Variants in PDZD8 observed in about 807,000 individuals in gnomAD.
PDZD8 encodes the protein PDZ domain containing 8, also known as PDZ domain-containing protein 8.
In PDZD8, 14 loss-of-function variants were observed where a neutral mutation model predicts 85.8. The observed-to-expected ratio is 0.16, with a 90% CI of 0.11 to 0.26. The LOEUF (loss-of-function observed/expected upper bound fraction) is 0.26, where lower values mean the gene tolerates loss of function less well. Ranked by LOEUF, PDZD8 falls within the 10% of genes least tolerant of loss-of-function variation. PDZD8 has a pLI of 1.00. For missense variants in PDZD8, 1,197 were observed against 1,424.3 expected, an observed-to-expected ratio of 0.84 and a Z score of 2.57; for synonymous variants, 592 against 568.6, an observed-to-expected ratio of 1.04 and a Z score of -0.59.
In PDZD8 at chr10:117,291,592, G is replaced by A. The variant is rs111701630; in HGVS notation, c.1099-1244C>T. ...GGGATGGTGGTGCACACCTGTAATC[G>A]CAGCTACTAAGGAGGGCTGAGGTGG... is the stretch of plus-strand genomic sequence containing the variant. On this transcript the variant is annotated intron_variant, in intron 3 of 4. Coordinates refer to ENST00000334464, the MANE Select transcript of PDZD8 (RefSeq NM_173791.5). 7.9e-3 allele frequency among the ~76,000 whole-genome samples: 1,189 copies of A among 151,298 alleles called. 14 individuals are homozygous for A. Among genetic ancestry groups the A allele is most frequent in the African/African-American group, 0.028 (1,139 of 41,206 alleles).
intron 3 of PDZD8, among the ~76,000 whole-genome samples, chr10:117,318,670 G>C (rs908139860): frequency 7.2e-5 from 11 of 152,150 alleles, no homozygotes; most frequent in African/African-American, 2.2e-4. Flanking sequence ...GGTTTCTTGT[G>C]CAGGTAATAT....
chr10:117,318,987 A>G lies in PDZD8; in HGVS notation c.996-13T>C, dbSNP rs1844178969. The G allele has an allele frequency of 6.5e-7, 1 of 1,548,710 alleles. No homozygotes were observed. The highest frequency in any genetic ancestry group is 8.9e-7 in the Non-Finnish European group (1 of 1,121,906). On this transcript the variant is annotated splice_polypyrimidine_tract_variant and intron_variant, in intron 2 of 4. Coordinates refer to ENST00000334464, the MANE Select transcript of PDZD8 (RefSeq NM_173791.5). ...AAAAATGAGTAACCTGCAGAATAAA[A>G]CAAAACAAGGGAGAGTATCATACCT...
In PDZD8 at chr10:117,365,294, C is replaced by T. The variant is rs528186967; in HGVS notation, c.872+9062G>A. Among the ~76,000 whole-genome samples, 22 of 151,962 alleles carry T rather than the reference C, an allele frequency of 1.4e-4. No homozygotes were observed. In the South Asian group the frequency reaches 4.6e-3, roughly 32 times the overall value. The stretch of plus-strand genomic sequence containing the variant: ...ATGTAATTATAAGCATCTGTTAGAA[C>T]AAATGAAGTAGGTATATATAGAAAA... On this transcript the variant is annotated intron_variant, in intron 1 of 4. Coordinates refer to ENST00000334464, the MANE Select transcript of PDZD8 (RefSeq NM_173791.5).
chr10:117,319,093 A>T (rs1844181198), intron 2 of PDZD8, 119 bp from the exon 3 acceptor site: 1 of 679,978 alleles, frequency 1.5e-6, no homozygotes, highest in Admixed American at 3.1e-5. Context: ...AGCTTTAGTA[A>T]CAGAAAAAAA....
chr10:117,325,224 G>A (rs893025408), intron 2 of PDZD8, among the ~76,000 whole-genome samples: 1 of 151,910 alleles, frequency 6.6e-6, no homozygotes, highest in African/African-American at 2.4e-5. Context: ...GTCACTTCCT[G>A]ACAGGCCCAG....
chr10:117,311,804 T>C (rs899236057), intron 3 of PDZD8, among the ~76,000 whole-genome samples: 11 of 151,692 alleles, frequency 7.3e-5, no homozygotes, highest in African/African-American at 2.7e-4. Context: ...TTCTAAGAAG[T>C]TACTATCAAC....
In PDZD8 at chr10:117,374,932, T is replaced by C. The variant is rs1845268049; in HGVS notation, c.296A>G (p.Asn99Ser). The change falls in exon 1 of 5, where the codon AAC becomes AGC. Residue 99 changes from asparagine to serine, a missense_variant. Physicochemically the swap from Asn to Ser is conservative, Grantham distance 46. Transcript: ENST00000334464. The surrounding 1 kb of genome is among the most constrained non-coding windows in gnomAD (Gnocchi z 7.8). ...PPTRETCYFL[N>S]ATILFLFREL... is the part of the protein sequence containing the mutation. ...CCGGAACAGGAATAGGATGGTGGCG[T>C]TGAGGAAGTAGCAAGTCTCCCGCGT... The C allele has an allele frequency of 1.9e-6, 3 of 1,612,600 alleles. No individual in the cohort carries two copies. Among genetic ancestry groups the C allele is most frequent in the Non-Finnish European group, 2.5e-6 (3 of 1,179,722 alleles).
chr10:117,289,712 AGGACAGTTCAGATGT>A (rs1404759975), intron 4 of PDZD8, among the ~76,000 whole-genome samples: 1 of 152,240 alleles, frequency 6.6e-6, no homozygotes, highest in Non-Finnish European at 1.5e-5. Flanking sequence ...ACAGGATCAC[AGGACAGTTCAGATGT>A]GCCCTCCTGG....
chr10:117,313,249 C>T (rs2052075), intron 3 of PDZD8, among the ~76,000 whole-genome samples: 116,908 of 152,032 alleles, frequency 0.77, 45,599 homozygotes, highest in Non-Finnish European at 0.85. Flanking sequence ...ACCTATGCTG[C>T]AATTGTAAAA....
chr10:117,291,662 T>C (rs546936206), intron 3 of PDZD8, among the ~76,000 whole-genome samples: 2 of 151,878 alleles, frequency 1.3e-5, no homozygotes, highest in African/African-American at 2.4e-5. Flanking sequence ...CTGGGCAACA[T>C]GGTGAGACCC....
chr10:117,374,322 G>A lies in PDZD8; in HGVS notation c.872+34C>T, dbSNP rs1396240304. 1.2e-6 allele frequency: 2 copies of A among 1,602,486 alleles called. No individual in the cohort carries two copies. Among genetic ancestry groups the A allele is most frequent in the East Asian group, 2.2e-5 (1 of 44,666 alleles). On this transcript the variant is annotated intron_variant, in intron 1 of 4. Coordinates refer to ENST00000334464, the MANE Select transcript of PDZD8 (RefSeq NM_173791.5). The surrounding 1 kb of genome is among the most constrained non-coding windows in gnomAD (Gnocchi z 7.8). ...GCGTCCCGCCCAGGCCCGGGTTCCCGGCAGCCAGGCCCCCTCCCCGACCTC... is the reference window on the plus strand; with the variant it reads ...GCGTCCCGCCCAGGCCCGGGTTCCCAGCAGCCAGGCCCCCTCCCCGACCTC...
In PDZD8 at chr10:117,321,004, C is replaced by T. The variant is rs1205589724; in HGVS notation, c.996-2030G>A. ...ATAAAAGAGACAATAACAAGTATTG[C>T]TGAGGATATGGAGAAATTAGAATGC... On this transcript the variant is annotated intron_variant, in intron 2 of 4. Coordinates refer to ENST00000334464, the MANE Select transcript of PDZD8 (RefSeq NM_173791.5). 5.3e-5 allele frequency among the ~76,000 whole-genome samples: 8 copies of T among 152,014 alleles called. No individual in the cohort carries two copies. The East Asian group carries it at 1.3e-3, about 26-fold the overall frequency.
intron 3 of PDZD8, among the ~76,000 whole-genome samples, chr10:117,292,673 G>C (rs1445967319): frequency 6.6e-6 from 1 of 151,178 alleles, no homozygotes; most frequent in Non-Finnish European, 1.5e-5. Flanking sequence ...TAAGGTGTTA[G>C]TGTAATTTAG....
At chr10:117,356,438 A>C (rs1394291640) in intron 1 of PDZD8, among the ~76,000 whole-genome samples, 1 of 152,216 alleles carries the variant, frequency 6.6e-6, no homozygotes, top group Non-Finnish European at 1.5e-5. Context: ...GTAATTCCAC[A>C]GATATCCAAA....
At chr10:117,337,006 G>A (rs1237741544) in intron 2 of PDZD8, among the ~76,000 whole-genome samples, 2 of 151,622 alleles carry the variant, frequency 1.3e-5, no homozygotes, top group African/African-American at 4.8e-5. Flanking sequence ...AAAGAATGGC[G>A]TGAACCCAGG....
In PDZD8 at chr10:117,375,355, C is replaced by A; in HGVS notation, c.-128G>T. On this transcript the variant is annotated 5_prime_UTR_variant, in exon 1 of 5. In the 5' UTR this introduces an upstream ATG that the reference lacks. Coordinates refer to ENST00000334464, the MANE Select transcript of PDZD8 (RefSeq NM_173791.5). ...GGTCGGGGCGAGCGGCTCCGTGGGC[C>A]TCGTCCAGGGGCTCGGGCCGGCGCG... 2 of 732,336 alleles carry A rather than the reference C, an allele frequency of 2.7e-6. No homozygotes were observed. The highest frequency in any genetic ancestry group is 2.0e-6 in the Non-Finnish European group (1 of 510,662). 45.4% of individuals were successfully genotyped at this position (732,336 alleles called of 1,614,324 possible). A position where few individuals can be genotyped will look rare whatever the true frequency, so the allele number is the denominator to read the frequency against.
chr10:117,287,531 C>T (rs369602247), intron 4 of PDZD8, among the ~76,000 whole-genome samples: 6 of 152,152 alleles, frequency 3.9e-5, no homozygotes, highest in African/African-American at 1.4e-4. Flanking sequence ...CTTTGACTGT[C>T]TCTCTGTCCT....
chr10:117,375,258 C>T lies in PDZD8; in HGVS notation c.-31G>A. On this transcript the variant is annotated 5_prime_UTR_variant, in exon 1 of 5. Transcript: ENST00000334464. ...CACCGCCTCCGCCCGGGCCCCTACT[C>T]CCGCGCCCACAGCGCCGCTTTCTTC... 7.0e-7 allele frequency: 1 copy of T among 1,431,516 alleles called. No individual in the cohort carries two copies. Among genetic ancestry groups the T allele is most frequent in the Non-Finnish European group, 9.1e-7 (1 of 1,096,934 alleles). The allele number at this position is 1,431,516 out of a possible 1,614,324, so 88.7% of individuals were successfully genotyped here.
At chr10:117,370,721 G>A (rs1410218930) in intron 1 of PDZD8, among the ~76,000 whole-genome samples, 1 of 151,984 alleles carries the variant, frequency 6.6e-6, no homozygotes, top group Admixed American at 6.6e-5. Context: ...GAAATGCCAC[G>A]TGGGACAGTA....
Sources: gnomAD v4.1 joint callset for allele counts (sites outside exome capture counted in the v4.1 genomes callset) on GRCh38, gnomAD v4.1.1 for gene constraint, Gnocchi (gnomAD v3.1) non-coding constraint, MANE v1.5 for transcripts, NCBI Gene and HGNC (gene_info 2026-07-23, HGNC 2026-07-21) for gene names.